Variants in UBAC2 observed in about 807,000 individuals in gnomAD.
UBAC2 encodes the protein ubiquitin-associated domain-containing protein 2.
Under a neutral mutation model 44.0 loss-of-function variants are expected in UBAC2, and 26 were observed. The observed-to-expected ratio is 0.59, with a 90% CI of 0.43 to 0.82. UBAC2 has a LOEUF of 0.82. Ranked by LOEUF, UBAC2 falls within the 40% of genes least tolerant of loss-of-function variation. UBAC2 has a pLI of 0.00. For missense variants in UBAC2, 329 were observed against 419.4 expected, an observed-to-expected ratio of 0.78 and a Z score of 1.88; for synonymous variants, 155 against 154.3, an observed-to-expected ratio of 1.00 and a Z score of -0.04.
intron 8 of UBAC2, 85 bp downstream of exon 8, chr13:99,367,991 T>C: frequency 1.3e-5 from 20 of 1,514,234 alleles, no homozygotes; most frequent in Non-Finnish European, 1.8e-5. Flanking sequence ...TCAAAAGTAA[T>C]CAAGCGTGTA....
In UBAC2 at chr13:99,367,811, CTT is replaced by C; in HGVS notation, c.836_837del (p.Phe279SerfsTer18). ...GGGAGGAATGATCAATTGGAATCGT[CTT>C]TTTCCTCCTTTACGTCAGCGACAAA... ...QQGGMINWNR[L>X]FPPLRQRQNV... is the part of the protein sequence containing the mutation. On this transcript the variant is annotated frameshift_variant, in exon 8 of 9. Transcript: ENST00000403766. LOFTEE classifies it high-confidence loss of function. 1 of 1,613,964 alleles carries C rather than the reference CTT, an allele frequency of 6.2e-7. No individual in the cohort carries two copies. The highest frequency in any genetic ancestry group is 8.5e-7 in the Non-Finnish European group (1 of 1,179,866).
chr13:99,243,810 T>C (rs1349017758), intron 2 of UBAC2, 22 bp from the exon 3 acceptor site: 2 of 1,548,236 alleles, frequency 1.3e-6, no homozygotes, highest in South Asian at 1.2e-5. Context: ...TGTTTATTGT[T>C]CTTTTTTAAA....
chr13:99,238,037 TA>T (rs1162852467), intron 1 of UBAC2, among the ~76,000 whole-genome samples: 6 of 152,244 alleles, frequency 3.9e-5, no homozygotes, highest in Non-Finnish European at 8.8e-5. Flanking sequence ...AAAATGAAAT[TA>T]AAAATGTATT....
chr13:99,275,508 T>C (rs1017179290), intron 4 of UBAC2, among the ~76,000 whole-genome samples: 9 of 152,244 alleles, frequency 5.9e-5, no homozygotes, highest in Non-Finnish European at 1.5e-5. Context: ...AAAATATTTA[T>C]AACCTATTTT....
intron 4 of UBAC2, among the ~76,000 whole-genome samples, chr13:99,307,580 T>TA (rs1310199407): frequency 2.0e-5 from 3 of 151,928 alleles, no homozygotes; most frequent in Admixed American, 6.6e-5. Flanking sequence ...TTATAGTGAT[T>TA]AAAAAAAACT....
At chr13:99,262,291 G>C (rs539492868) in intron 4 of UBAC2, among the ~76,000 whole-genome samples, 2 of 152,242 alleles carry the variant, frequency 1.3e-5, no homozygotes, top group Admixed American at 1.3e-4. Flanking sequence ...AGTAAGTATA[G>C]GGTTTGGTAC....
intron 7 of UBAC2, among the ~76,000 whole-genome samples, chr13:99,348,464 AG>A (rs2045027155): frequency 6.6e-6 from 1 of 152,208 alleles, no homozygotes; most frequent in Non-Finnish European, 1.5e-5. Flanking sequence ...AAAAACGCAC[AG>A]GGGCTCAAAA....
chr13:99,357,916 C>T (rs114432580), intron 7 of UBAC2, among the ~76,000 whole-genome samples: 1,543 of 152,300 alleles, frequency 0.01, 30 homozygotes, highest in African/African-American at 0.036. Context: ...GCAACTGTTT[C>T]TTGAGTGCTT....
intron 4 of UBAC2, among the ~76,000 whole-genome samples, chr13:99,251,201 A>G (rs1278822630): frequency 6.6e-6 from 1 of 152,172 alleles, no homozygotes; most frequent in Non-Finnish European, 1.5e-5. Flanking sequence ...TAGAAATGCT[A>G]CTACTGATCT....
At chr13:99,359,958 C>A (rs1342248820) in intron 7 of UBAC2, among the ~76,000 whole-genome samples, 3 of 152,234 alleles carry the variant, frequency 2.0e-5, no homozygotes. Flanking sequence ...TAAAGGCTTT[C>A]TGAGCACCAA....
At chr13:99,213,818 T>C (rs186791027) in intron 1 of UBAC2, among the ~76,000 whole-genome samples, 10 of 152,186 alleles carry the variant, frequency 6.6e-5, no homozygotes, top group African/African-American at 2.4e-4. Flanking sequence ...AAGATAAGAA[T>C]ATTTTATTTT....
At chr13:99,354,887 C>T (rs73570128) in intron 7 of UBAC2, among the ~76,000 whole-genome samples, 2,023 of 152,178 alleles carry the variant, frequency 0.013, 52 homozygotes, top group African/African-American at 0.047. Context: ...AGGACCTAAA[C>T]GGGCAGATCC....
At position 99,208,190 on chromosome 13, in the gene UBAC2, T is replaced by G. The variant is rs570191582; in HGVS notation, c.31+7251T>G. On this transcript the variant is annotated intron_variant, in intron 1 of 8. Transcript: ENST00000403766. ...TTTTGTATTTTTAGTAGAGACGGGG[T>G]TTCTCCATGTTGGTCAGGCTGGTCT... Among the ~76,000 whole-genome samples, 50 of 152,170 alleles carry G rather than the reference T, an allele frequency of 3.3e-4. 2 individuals carry two copies. The South Asian group carries it at 9.4e-3, about 28-fold the overall frequency.
At chr13:99,222,859 C>T (rs1373396297) in intron 1 of UBAC2, among the ~76,000 whole-genome samples, 1 of 152,178 alleles carries the variant, frequency 6.6e-6, no homozygotes, top group Non-Finnish European at 1.5e-5. Context: ...GTAACACTGG[C>T]TTCATAACAT....
In UBAC2 at chr13:99,340,299, C is replaced by G. The variant is rs371189899; in HGVS notation, c.562-21C>G. The G allele has an allele frequency of 2.2e-5, 36 of 1,610,764 alleles. No homozygotes were observed. The African/African-American group carries it at 4.5e-4, about 20-fold the overall frequency. On this transcript the variant is annotated intron_variant, in intron 6 of 8. Coordinates refer to ENST00000403766, the MANE Select transcript of UBAC2 (RefSeq NM_001144072.2). ...AAATAATACTACATTTAAACAATCA[C>G]ATTGGACGTTTTTCTTCTAGATGTC...
chr13:99,214,660 A>G (rs897690595), intron 1 of UBAC2, among the ~76,000 whole-genome samples: 1 of 152,068 alleles, frequency 6.6e-6, no homozygotes, highest in Admixed American at 6.6e-5. Context: ...GGAAGTTTGA[A>G]GTTACCCCAA....
intron 6 of UBAC2, among the ~76,000 whole-genome samples, chr13:99,324,856 G>A: frequency 6.6e-6 from 1 of 152,172 alleles, no homozygotes; most frequent in East Asian, 1.9e-4. Context: ...TTCAGTCATG[G>A]TGCCAGAACA....
intron 7 of UBAC2, among the ~76,000 whole-genome samples, chr13:99,361,308 CAT>C (rs2045261727): frequency 6.6e-6 from 1 of 152,152 alleles, no homozygotes; most frequent in Non-Finnish European, 1.5e-5. Context: ...GTAAAGGAAA[CAT>C]TTCCTGTTTA....
chr13:99,287,923 A>C (rs2044041356), intron 4 of UBAC2, among the ~76,000 whole-genome samples: 1 of 152,184 alleles, frequency 6.6e-6, no homozygotes, highest in Admixed American at 6.5e-5. Flanking sequence ...TTGAACATAT[A>C]ATATATGATA....
Sources: gnomAD v4.1 joint callset for allele counts (sites outside exome capture counted in the v4.1 genomes callset) on GRCh38, gnomAD v4.1.1 for gene constraint, MANE v1.5 for transcripts, NCBI Gene and HGNC (gene_info 2026-07-23, HGNC 2026-07-21) for gene names.